Variants in SMC4 observed in about 807,000 individuals in gnomAD.
SMC4 encodes structural maintenance of chromosomes 4.
SMC4 carries 87 observed loss-of-function variants against 145.6 expected under a neutral mutation model. That is an observed-to-expected ratio of 0.60 (90% CI 0.50 to 0.71). The LOEUF (loss-of-function observed/expected upper bound fraction) is 0.71, where lower values mean the gene tolerates loss of function less well. Ranked by LOEUF, SMC4 falls within the 30% of genes least tolerant of loss-of-function variation. The probability of loss-of-function intolerance (pLI) is 0.00; values close to 1 mark genes in which losing one functional copy is unlikely to be tolerated. For missense variants in SMC4, 1,447 were observed against 1,537.1 expected (o/e 0.94, Z 0.98); for synonymous variants, 558 against 500.7 (o/e 1.11, Z -1.53).
chr3:160,428,956 G>T lies in SMC4; in HGVS notation c.2795+14G>T. ...GACTGCTGACAGGTAGAGTATGCATGTTACCCTAACTTGTTTTCCCTTTCC... is the reference window on the plus strand; with the variant it reads ...GACTGCTGACAGGTAGAGTATGCATTTTACCCTAACTTGTTTTCCCTTTCC... On this transcript the variant is annotated intron_variant, in intron 18 of 23. Coordinates refer to ENST00000357388, the MANE Select transcript of SMC4 (RefSeq NM_001002800.3). The T allele has an allele frequency of 6.4e-7, 1 of 1,555,752 alleles. No individual in the cohort carries two copies. Among genetic ancestry groups the T allele is most frequent in the Non-Finnish European group, 8.6e-7 (1 of 1,161,002 alleles).
chr3:160,413,182 C>G (rs575652888), intron 7 of SMC4, among the ~76,000 whole-genome samples: 19 of 151,832 alleles, frequency 1.3e-4, no homozygotes, highest in African/African-American at 4.1e-4. Flanking sequence ...TGGGGTTTCG[C>G]CATGTTGCCC....
At position 160,431,828 on chromosome 3, in the gene SMC4, A is replaced by G. The variant is rs777080239; in HGVS notation, c.3297+3A>G. 1 of 1,610,930 alleles carries G rather than the reference A, an allele frequency of 6.2e-7. No individual in the cohort carries two copies. The highest frequency in any genetic ancestry group is 8.5e-7 in the Non-Finnish European group (1 of 1,179,146). On this transcript the variant is annotated splice_donor_region_variant and intron_variant, in intron 21 of 23. Transcript: ENST00000357388. The stretch of plus-strand genomic sequence containing the variant: ...CCATCGCAGAGTATAAAAAGAAGGT[A>G]TGAATGAACTGTGTATGTATACTAG...
intron 18 of SMC4, among the ~76,000 whole-genome samples, chr3:160,429,510 A>G (rs558892628): frequency 1.3e-5 from 2 of 151,690 alleles, no homozygotes; most frequent in South Asian, 2.1e-4. Context: ...CACCTGGCTA[A>G]TTTTTGTATT....
At chr3:160,421,176 A>C (rs1329317242) in intron 13 of SMC4, among the ~76,000 whole-genome samples, 1 of 151,548 alleles carries the variant, frequency 6.6e-6, no homozygotes, top group African/African-American at 2.4e-5. Flanking sequence ...TGATCCGCCC[A>C]CCTCGGCCTC....
At chr3:160,413,409 T>A in intron 7 of SMC4, 64 bp from the exon 8 acceptor site, 2 of 1,462,534 alleles carry the variant, frequency 1.4e-6, no homozygotes, top group South Asian at 2.5e-5. Context: ...CTAAAATTGT[T>A]ATACAGTTTT....
At chr3:160,412,280 T>C (rs772442038) in intron 6 of SMC4, 46 bp from the exon 7 acceptor site, 1 of 1,521,970 alleles carries the variant, frequency 6.6e-7, no homozygotes, top group South Asian at 1.2e-5. Flanking sequence ...GTTCATATTG[T>C]ACATATGAAG....
At position 160,432,421 on chromosome 3, in the gene SMC4, T is replaced by G; in HGVS notation, c.3436T>G (p.Leu1146Val). The change falls in exon 22 of 24, where the codon TTA becomes GTA. Residue 1146 changes from leucine (L) to valine (V), a missense_variant. Coordinates refer to ENST00000357388, the MANE Select transcript of SMC4 (RefSeq NM_001002800.3). ...MAGFYIITNKLKENYQMLTLG... is the reference protein window; with the variant it reads ...MAGFYIITNKVKENYQMLTLG... ...AGGTTTTTATATAATAACAAATAAA[T>G]TAAAGGAAAATTACCAAATGCTTAC... The G allele has an allele frequency of 1.2e-6, 2 of 1,613,050 alleles. No individual in the cohort carries two copies. The highest frequency in any genetic ancestry group is 1.7e-6 in the Non-Finnish European group (2 of 1,179,396).
At chr3:160,407,097 A>C (rs1430919151) in intron 5 of SMC4, among the ~76,000 whole-genome samples, 3 of 152,196 alleles carry the variant, frequency 2.0e-5, no homozygotes, top group Non-Finnish European at 4.4e-5. Flanking sequence ...TCAGGGGTAG[A>C]AGAATGGTTA....
Position 160,432,416 on chromosome 3 carries a change from A to G in SMC4, c.3431A>G (p.Asn1144Ser). 2 of 1,613,318 alleles carry G rather than the reference A, an allele frequency of 1.2e-6. No individual in the cohort carries two copies. Residue 1144 changes from asparagine (N) to serine (S), a missense_variant, in exon 22 of 24, where the codon AAT (asparagine) becomes AGT (serine). Coordinates refer to ENST00000357388, the MANE Select transcript of SMC4 (RefSeq NM_001002800.3). ...ATGGCAGGTTTTTATATAATAACAA[A>G]TAAATTAAAGGAAAATTACCAAATG... ...EFMAGFYIIT[N>S]KLKENYQMLT...
rs1714713589 is a variant in SMC4 at position 160,401,899 on chromosome 3, C to T, written c.140-16C>T. 1.9e-6 allele frequency: 3 copies of T among 1,544,718 alleles called. No homozygotes were observed. Among genetic ancestry groups the T allele is most frequent in the Admixed American group, 2.0e-5 (1 of 49,400 alleles). ...CCGCCGTTTGCCTTCGTTTTCCTTT[C>T]CTTTCACTGACTTAGAGACTGCAAG... On this transcript the variant is annotated splice_polypyrimidine_tract_variant and intron_variant, in intron 2 of 23. Coordinates refer to ENST00000357388, the MANE Select transcript of SMC4 (RefSeq NM_001002800.3).
In SMC4 at chr3:160,426,151, C is replaced by T. The variant is rs202139466; in HGVS notation, c.2556C>T (p.Asp852=). The T allele has an allele frequency of 2.2e-3, 3,446 of 1,600,040 alleles. 94 individuals are homozygous for T. The South Asian group carries it at 0.034, about 16-fold the overall frequency. ...LEANVLATAP[D]KKKQKLLEEN... ...CTAATGTACTTGCTACAGCCCCTGA[C>T]AAAAAAAAGCAGAAATTGCTAGAAG... The change falls in exon 17 of 24, where the codon GAC becomes GAT. Residue 852 remains aspartate, a synonymous_variant. Coordinates refer to ENST00000357388, the MANE Select transcript of SMC4 (RefSeq NM_001002800.3).
chr3:160,404,525 A>C (rs1715082585), intron 5 of SMC4, 21 bp downstream of exon 5: 21 of 1,600,610 alleles, frequency 1.3e-5, no homozygotes, highest in Non-Finnish European at 1.7e-5. Flanking sequence ...TAAAGACTTC[A>C]AAGATTCTCT....
chr3:160,423,503 A>G lies in SMC4; in HGVS notation c.2098A>G (p.Lys700Glu), dbSNP rs995685909. 3 of 1,613,854 alleles carry G rather than the reference A, an allele frequency of 1.9e-6. No individual in the cohort carries two copies. The highest frequency in any genetic ancestry group is 1.1e-5 in the South Asian group (1 of 91,060). Reference protein sequence around the residue: ...TPRLFDLVKVKDEKIRQAFYF... With the variant: ...TPRLFDLVKVEDEKIRQAFYF... Reference sequence around the variant, plus strand: ...TCGTTTATTTGATTTAGTAAAAGTAAAAGATGAGAAAATTCGCCAAGCTTT... The same window carrying G: ...TCGTTTATTTGATTTAGTAAAAGTAGAAGATGAGAAAATTCGCCAAGCTTT... The change falls in exon 14 of 24, where the codon AAA becomes GAA. Residue 700 changes from lysine to glutamate, a missense_variant. Coordinates refer to ENST00000357388, the MANE Select transcript of SMC4 (RefSeq NM_001002800.3).
intron 10 of SMC4, 37 bp downstream of exon 10, chr3:160,416,452 G>T: frequency 2.3e-6 from 3 of 1,298,634 alleles, no homozygotes; most frequent in South Asian, 2.0e-5. Flanking sequence ...TATTTTGGTG[G>T]CTTTTTTTTT....
intron 2 of SMC4, 104 bp from the exon 3 acceptor site, chr3:160,401,811 C>T (rs1378094072): frequency 2.5e-6 from 2 of 813,488 alleles, no homozygotes; most frequent in South Asian, 3.5e-5. Flanking sequence ...CCCTCCATCC[C>T]CTACTTTAAA....
At position 160,413,542 on chromosome 3, in the gene SMC4, A is replaced by AAT; in HGVS notation, c.1051_1052dup (p.Asn352LeufsTer12). 6.4e-7 allele frequency: 1 copy of AAT among 1,569,428 alleles called. No homozygotes were observed. The highest frequency in any genetic ancestry group is 8.7e-7 in the Non-Finnish European group (1 of 1,154,576). On this transcript the variant is annotated frameshift_variant, in exon 8 of 24. Coordinates refer to ENST00000357388, the MANE Select transcript of SMC4 (RefSeq NM_001002800.3). LOFTEE classifies it high-confidence loss of function. ...AAAAAATTCATGAAGATACCAAAGA[A>AAT]ATTAATGAGAAGAGCAATATACTAT...
At chr3:160,427,856 G>A (rs758010604) in intron 17 of SMC4, among the ~76,000 whole-genome samples, 1 of 152,184 alleles carries the variant, frequency 6.6e-6, no homozygotes, top group Non-Finnish European at 1.5e-5. Context: ...GAAGGCCAAG[G>A]CAGGCAGATC....
At chr3:160,402,164 T>C in intron 3 of SMC4, 71 bp downstream of exon 3, 1 of 1,031,766 alleles carries the variant, frequency 9.7e-7, no homozygotes. Flanking sequence ...TTTTACAAGA[T>C]GTTTCAGTTT....
At position 160,413,641 on chromosome 3, in the gene SMC4, G is replaced by A. The variant is rs1319439873; in HGVS notation, c.1121+28G>A. The A allele has an allele frequency of 3.4e-6, 4 of 1,173,626 alleles. No individual in the cohort carries two copies. In the South Asian group the frequency reaches 4.4e-5, roughly 13 times the overall value. The allele number at this position is 1,173,626 out of a possible 1,614,324, so 72.7% of individuals were successfully genotyped here. On this transcript the variant is annotated intron_variant, in intron 8 of 23. Transcript: ENST00000357388. Reference sequence around the variant, plus strand: ...AATAATATTTTGGGAAGTACTAAAAGTATTTAGATAATTGTATTACATGTG... The same window carrying A: ...AATAATATTTTGGGAAGTACTAAAAATATTTAGATAATTGTATTACATGTG...
Sources: gnomAD v4.1 joint callset for allele counts (sites outside exome capture counted in the v4.1 genomes callset) on GRCh38, gnomAD v4.1.1 for gene constraint, MANE v1.5 for transcripts, NCBI Gene and HGNC (gene_info 2026-07-23, HGNC 2026-07-21) for gene names.